DOK6: variants seen among roughly 807,000 people sequenced by gnomAD.
DOK6 encodes the protein docking protein 6.
Under a neutral mutation model 44.0 loss-of-function variants are expected in DOK6, and 22 were observed. That is an observed-to-expected ratio of 0.50 (90% CI 0.36 to 0.71). The LOEUF is 0.71. Among genes scored for constraint, DOK6 ranks in the 30% least tolerant of loss-of-function variants. The probability of loss-of-function intolerance (pLI) is 0.00; values close to 1 mark genes in which losing one functional copy is unlikely to be tolerated. For missense variants in DOK6, 340 were observed against 416.4 expected (o/e 0.82, Z 1.60); for synonymous variants, 166 against 145.5 (o/e 1.14, Z -1.01).
At chr18:69,711,485 G>A (rs994931395) in intron 5 of DOK6, among the ~76,000 whole-genome samples, 2 of 152,080 alleles carry the variant, frequency 1.3e-5, no homozygotes, top group Admixed American at 1.3e-4. Context: ...GCAATTAGTT[G>A]GTATATTCTC....
chr18:69,600,177 G>T (rs62089905), intron 3 of DOK6, among the ~76,000 whole-genome samples: 53,589 of 151,766 alleles, frequency 0.35, 9,535 homozygotes, highest in Middle Eastern at 0.51. Context: ...TGCAAGATGT[G>T]AACTTAAACT....
intron 1 of DOK6, among the ~76,000 whole-genome samples, chr18:69,429,005 C>T (rs1222846606): frequency 2.6e-5 from 4 of 152,168 alleles, no homozygotes; most frequent in Non-Finnish European, 5.9e-5. Flanking sequence ...TGAATGTACT[C>T]ATGATGAAAG....
intron 1 of DOK6, among the ~76,000 whole-genome samples, chr18:69,406,602 A>G (rs1450676099): frequency 1.3e-5 from 2 of 152,226 alleles, no homozygotes; most frequent in African/African-American, 2.4e-5. Context: ...CTTAGAAAAC[A>G]AAGATAATAC....
chr18:69,753,823 A>C (rs1173341704), intron 6 of DOK6, among the ~76,000 whole-genome samples: 1 of 96,608 alleles, frequency 1.0e-5, no homozygotes, highest in Non-Finnish European at 2.9e-5. Context: ...GCTGTTTGAG[A>C]CTTTTTTTTT....
chr18:69,438,027 G>T (rs1979030660), intron 1 of DOK6, among the ~76,000 whole-genome samples: 1 of 152,150 alleles, frequency 6.6e-6, no homozygotes, highest in African/African-American at 2.4e-5. Context: ...GTAATATTTT[G>T]CTGGTGAAGG....
At chr18:69,685,034 C>G (rs1228912879) in intron 4 of DOK6, among the ~76,000 whole-genome samples, 1 of 152,144 alleles carries the variant, frequency 6.6e-6, no homozygotes, top group Non-Finnish European at 1.5e-5. Context: ...GCTTTCAATT[C>G]AGCCTAGAGG....
Position 69,720,911 on chromosome 18 carries a change from C to T in DOK6, c.600-18054C>T, listed in dbSNP as rs563078405. On this transcript the variant is annotated intron_variant, in intron 5 of 7. Coordinates refer to ENST00000382713, the MANE Select transcript of DOK6 (RefSeq NM_152721.6). ...TTCCTACATAGAAGACTAAATACAA[C>T]CAGAACGGAGGGAATTTTTTACTTT... 2.0e-5 allele frequency among the ~76,000 whole-genome samples: 3 copies of T among 152,188 alleles called. No homozygotes were observed. The South Asian group carries it at 6.2e-4, about 32-fold the overall frequency.
At chr18:69,640,088 G>A (rs9953464) in intron 3 of DOK6, among the ~76,000 whole-genome samples, 63,331 of 151,950 alleles carry the variant, frequency 0.42, 13,958 homozygotes, top group Admixed American at 0.53. Flanking sequence ...ACAAATGTCA[G>A]GTTAACCTGC....
chr18:69,675,996 G>A (rs958615487), intron 3 of DOK6, among the ~76,000 whole-genome samples: 2 of 152,052 alleles, frequency 1.3e-5, no homozygotes, highest in Non-Finnish European at 2.9e-5. Flanking sequence ...TATATTGGTA[G>A]CCTTGTGGTT....
intron 1 of DOK6, among the ~76,000 whole-genome samples, chr18:69,551,860 A>C (rs1982573861): frequency 6.6e-6 from 1 of 152,192 alleles, no homozygotes; most frequent in Non-Finnish European, 1.5e-5. Context: ...TGAATTTTCC[A>C]AATTGATTAT....
chr18:69,782,592 A>T (rs1374557208), intron 7 of DOK6, among the ~76,000 whole-genome samples: 2 of 151,444 alleles, frequency 1.3e-5, no homozygotes, highest in African/African-American at 4.8e-5. Context: ...CAATAGAACA[A>T]GTTGTGTTTC....
At chr18:69,766,649 C>A (rs1463055173) in intron 7 of DOK6, among the ~76,000 whole-genome samples, 1 of 151,964 alleles carries the variant, frequency 6.6e-6, no homozygotes, top group Admixed American at 6.6e-5. Flanking sequence ...GGAGGTAGAT[C>A]ATTAAATTGA....
At chr18:69,804,128 C>A (rs899133776) in intron 7 of DOK6, among the ~76,000 whole-genome samples, 8 of 151,998 alleles carry the variant, frequency 5.3e-5, no homozygotes, top group African/African-American at 1.7e-4. Flanking sequence ...GAGAGCAATA[C>A]AAAGAGAAAA....
chr18:69,451,261 C>A (rs1979458149), intron 1 of DOK6, among the ~76,000 whole-genome samples: 1 of 137,452 alleles, frequency 7.3e-6, no homozygotes, highest in Non-Finnish European at 1.6e-5. Flanking sequence ...GGGTTGCAAT[C>A]CTAGTCTCTG....
chr18:69,404,704 C>T (rs187912414), intron 1 of DOK6, among the ~76,000 whole-genome samples: 302 of 152,064 alleles, frequency 2.0e-3, no homozygotes, highest in African/African-American at 6.9e-3. Flanking sequence ...CTTCTACAGA[C>T]ATTTTACATT....
At chr18:69,434,151 T>C (rs1056322443) in intron 1 of DOK6, among the ~76,000 whole-genome samples, 2 of 152,198 alleles carry the variant, frequency 1.3e-5, no homozygotes. Context: ...GGAATCCTGG[T>C]GGAGCCAGTA....
chr18:69,603,514 G>C (rs1333253117), intron 3 of DOK6, among the ~76,000 whole-genome samples: 1 of 152,212 alleles, frequency 6.6e-6, no homozygotes, highest in Non-Finnish European at 1.5e-5. Flanking sequence ...GCTCACACCT[G>C]TAATCCCAGC....
intron 3 of DOK6, among the ~76,000 whole-genome samples, chr18:69,676,631 A>G (rs1235349579): frequency 6.6e-6 from 1 of 152,228 alleles, no homozygotes; most frequent in Non-Finnish European, 1.5e-5. Flanking sequence ...GGCAGACGTC[A>G]ATGGAAAGTT....
chr18:69,604,312 G>A (rs546071298), intron 3 of DOK6, among the ~76,000 whole-genome samples: 13 of 152,196 alleles, frequency 8.5e-5, no homozygotes, highest in Admixed American at 5.2e-4. Flanking sequence ...AATTTCACAC[G>A]CACAAGTCTG....
Sources: gnomAD v4.1 joint callset for allele counts (sites outside exome capture counted in the v4.1 genomes callset) on GRCh38, gnomAD v4.1.1 for gene constraint, MANE v1.5 for transcripts, NCBI Gene and HGNC (gene_info 2026-07-23, HGNC 2026-07-21) for gene names.